The following RMND5A variants were observed in gnomAD, a reference collection of about 807,000 sequenced individuals.
RMND5A encodes the protein E3 ubiquitin-protein transferase RMND5A.
A neutral mutation model predicts 49.7 loss-of-function variants in RMND5A; 17 were observed. That is an observed-to-expected ratio of 0.34 (90% CI 0.23 to 0.51). The LOEUF is 0.51. Among genes scored for constraint, RMND5A ranks in the 20% least tolerant of loss-of-function variants. The pLI, the probability that RMND5A is intolerant of heterozygous loss-of-function variation, is 0.96. For synonymous variants in RMND5A, 156 were observed against 167.7 expected (o/e 0.93, Z 0.54); for missense variants, 255 against 471.3 (o/e 0.54, Z 4.25).
At chr2:86,757,030 AG>A (rs1218588858) in intron 4 of RMND5A, among the ~76,000 whole-genome samples, 3 of 151,974 alleles carry the variant, frequency 2.0e-5, no homozygotes, top group African/African-American at 7.3e-5. Flanking sequence ...AAAATTAGCC[AG>A]GTATGGTGGC....
intron 3 of RMND5A, 67 bp downstream of exon 3, chr2:86,752,097 T>G: frequency 6.6e-7 from 1 of 1,513,196 alleles, no homozygotes; most frequent in East Asian, 2.3e-5. Context: ...TTATAGTATT[T>G]GCAGGGTGGG....
chr2:86,745,915 A>T (rs1681531270), intron 2 of RMND5A, among the ~76,000 whole-genome samples: 1 of 152,218 alleles, frequency 6.6e-6, no homozygotes, highest in Non-Finnish European at 1.5e-5. Flanking sequence ...CTAGGAAATC[A>T]CTGAGGCCAT....
chr2:86,747,828 G>A (rs141599160), intron 2 of RMND5A, among the ~76,000 whole-genome samples: 6 of 152,136 alleles, frequency 3.9e-5, no homozygotes, highest in East Asian at 1.9e-4. Flanking sequence ...TGTTTAGATC[G>A]CACACTTTCA....
At chr2:86,766,963 A>G (rs1460704495) in intron 6 of RMND5A, among the ~76,000 whole-genome samples, 1 of 152,224 alleles carries the variant, frequency 6.6e-6, no homozygotes, top group Non-Finnish European at 1.5e-5. Flanking sequence ...CTTCAGTTTC[A>G]TGTCAAAGTA....
rs5832691 is a variant in RMND5A, at chr2:86,762,709, C to CATATATATATATCAT, written c.522-2310_522-2309insATATCATATATATAT. ...TATATATCATATATATCATATATAT[C>CATATATATATATCAT]ATATATATCATATATATCATATATA... On this transcript the variant is annotated intron_variant, in intron 4 of 8. Transcript: ENST00000283632. 1.6e-3 allele frequency among the ~76,000 whole-genome samples: 41 copies of CATATATATATATCAT among 25,412 alleles called. 1 individual carries two copies. Among genetic ancestry groups the CATATATATATATCAT allele is most frequent in the Middle Eastern group, 0.022 (1 of 46 alleles). 16.7% of individuals were successfully genotyped at this position (25,412 alleles called of 152,430 possible).
chr2:86,766,777 CCAGGAATT>C (rs1672605221), intron 6 of RMND5A, among the ~76,000 whole-genome samples: 1 of 151,818 alleles, frequency 6.6e-6, no homozygotes, highest in Non-Finnish European at 1.5e-5. Flanking sequence ...TCTCTTGAGG[CCAGGAATT>C]CAAGACCCAC....
intron 6 of RMND5A, 85 bp from the exon 7 acceptor site, chr2:86,769,938 T>C: frequency 1.1e-6 from 1 of 905,446 alleles, no homozygotes; most frequent in Non-Finnish European, 1.8e-6. Context: ...CTGCAGCACA[T>C]AGAGTCTGGA....
rs770150096 is a variant in RMND5A at position 86,720,715 on chromosome 2, C to G, written c.48C>G (p.His16Gln). 1.3e-6 allele frequency: 2 copies of G among 1,584,560 alleles called. No individual in the cohort carries two copies. The highest frequency in any genetic ancestry group is 2.3e-5 in the East Asian group (1 of 43,180). ...AGCGCGAGCTGGAGAAGGTGCTGCACAAGTTCTCAGGCTACGGGCAGCTGT... is the reference window on the plus strand; with the variant it reads ...AGCGCGAGCTGGAGAAGGTGCTGCAGAAGTTCTCAGGCTACGGGCAGCTGT... ...TVERELEKVLHKFSGYGQLCE... is the reference protein window; with the variant it reads ...TVERELEKVLQKFSGYGQLCE... Residue 16 changes from histidine to glutamine, a missense_variant, in exon 1 of 9, where the codon CAC becomes CAG. Around this residue, in one of 3 missense-constraint regions of RMND5A, gnomAD observed 42 missense variants for 59.9 expected, o/e 0.70. Transcript: ENST00000283632.
intron 2 of RMND5A, among the ~76,000 whole-genome samples, chr2:86,742,570 C>A (rs1681467157): frequency 1.3e-5 from 2 of 150,612 alleles, no homozygotes; most frequent in African/African-American, 4.9e-5. Context: ...GCAGCTGTAT[C>A]CTTCTAGAAT....
chr2:86,720,775 C>T lies in RMND5A; in HGVS notation c.108C>T (p.Thr36=). Residue 36 remains threonine, a synonymous_variant, in exon 1 of 9, where the codon ACC becomes ACT. Transcript: ENST00000283632. ...GCCTGGAGGAGCTCATCGACTACAC[C>T]GGCGGCCTCAAGCACGAGATCCTGC... ...ERGLEELIDY[T]GGLKHEILQS... The T allele has an allele frequency of 1.9e-6, 3 of 1,595,528 alleles. No homozygotes were observed. Among genetic ancestry groups the T allele is most frequent in the African/African-American group, 1.3e-5 (1 of 74,074 alleles).
At chr2:86,765,424 T>C in intron 5 of RMND5A, 1 of 420,886 alleles carries the variant, frequency 2.4e-6, no homozygotes, top group Non-Finnish European at 4.2e-6. Flanking sequence ...AGAGGAGATG[T>C]GAGAAAGAGC....
intron 1 of RMND5A, 73 bp downstream of exon 1, chr2:86,720,882 T>A (rs1681195670): frequency 7.1e-7 from 1 of 1,405,922 alleles, no homozygotes; most frequent in African/African-American, 1.5e-5. Flanking sequence ...GCGGCGGGAA[T>A]CCCTCACCCA....
rs1031036848 is a variant in RMND5A, at chr2:86,777,397, G to A, written c.*3986G>A. ...TGTTGGGGCTGGGAGGGAAGCAGAAGAAAATGGGAGTGTGAGTGAGTGTGC... is the reference window on the plus strand; with the variant it reads ...TGTTGGGGCTGGGAGGGAAGCAGAAAAAAATGGGAGTGTGAGTGAGTGTGC... On this transcript the variant is annotated 3_prime_UTR_variant, in exon 9 of 9. Transcript: ENST00000283632. 1 of 152,200 alleles carries A rather than the reference G, an allele frequency of 6.6e-6. No individual in the cohort carries two copies. The highest frequency in any genetic ancestry group is 6.5e-5 in the Admixed American group (1 of 15,284). 9.4% of individuals were successfully genotyped at this position (152,200 alleles called of 1,614,324 possible). A position where few individuals can be genotyped will look rare whatever the true frequency, so the allele number is the denominator to read the frequency against.
chr2:86,742,485 G>A (rs1256413743), intron 2 of RMND5A, among the ~76,000 whole-genome samples: 47 of 144,154 alleles, frequency 3.3e-4, no homozygotes, highest in Middle Eastern at 3.5e-3. Flanking sequence ...TCTTCAGTTG[G>A]TTCCTGGAGT....
chr2:86,767,064 GT>G (rs1013847031), intron 6 of RMND5A, among the ~76,000 whole-genome samples: 1 of 151,882 alleles, frequency 6.6e-6, no homozygotes, highest in Admixed American at 6.6e-5. Context: ...TTTGTTACTT[GT>G]TTTTTTCTTG....
rs944526170 is a variant in RMND5A at position 86,720,341 on chromosome 2, G to A, written c.-327G>A. 5.2e-5 allele frequency: 8 copies of A among 153,784 alleles called. No homozygotes were observed. Among genetic ancestry groups the A allele is most frequent in the African/African-American group, 1.9e-4 (8 of 41,416 alleles). The allele number at this position is 153,784 out of a possible 1,614,324, so 9.5% of individuals were successfully genotyped here. A position where few individuals can be genotyped will look rare whatever the true frequency, so the allele number is the denominator to read the frequency against. Reference sequence around the variant, plus strand: ...GCCGCCCGGGAGAACCAGGTCATCGGTCGGTTCCCGTGAAAACAAAAACAA... The same window carrying A: ...GCCGCCCGGGAGAACCAGGTCATCGATCGGTTCCCGTGAAAACAAAAACAA... On this transcript the variant is annotated 5_prime_UTR_variant, in exon 1 of 9. Transcript: ENST00000283632.
intron 5 of RMND5A, 180 bp from the exon 6 acceptor site, chr2:86,765,679 C>G: frequency 5.4e-6 from 3 of 559,984 alleles, no homozygotes; most frequent in Non-Finnish European, 9.5e-6. Flanking sequence ...CCTTTTCTTC[C>G]CTTTTCTCTC....
At chr2:86,769,733 G>A (rs1049293099) in intron 6 of RMND5A, among the ~76,000 whole-genome samples, 1 of 151,762 alleles carries the variant, frequency 6.6e-6, no homozygotes. Flanking sequence ...ATATTGGTGA[G>A]GTTTATTTAG....
intron 6 of RMND5A, among the ~76,000 whole-genome samples, chr2:86,769,427 G>A (rs564366297): frequency 6.6e-6 from 1 of 152,274 alleles, no homozygotes; most frequent in South Asian, 2.1e-4. Context: ...CTGTAAGGAA[G>A]GGAATAGGAA....
Sources: gnomAD v4.1 joint callset for allele counts (sites outside exome capture counted in the v4.1 genomes callset) on GRCh38, gnomAD v4.1.1 for gene constraint, gnomAD v4.1.1 regional missense constraint, MANE v1.5 for transcripts, NCBI Gene and HGNC (gene_info 2026-07-23, HGNC 2026-07-21) for gene names.